NUP58: variants seen among roughly 807,000 people sequenced by gnomAD.
NUP58 encodes the protein nucleoporin p58/p45.
NUP58 carries 17 observed loss-of-function variants against 70.1 expected under a neutral mutation model. That is an observed-to-expected ratio of 0.24 (90% CI 0.17 to 0.36). NUP58 has a LOEUF of 0.36. NUP58 is among the 10% of genes least tolerant of loss of function. The pLI, the probability that NUP58 is intolerant of heterozygous loss-of-function variation, is 1.00. For missense variants in NUP58, 644 were observed against 701.5 expected, an observed-to-expected ratio of 0.92 and a Z score of 0.93; for synonymous variants, 275 against 257.6, an observed-to-expected ratio of 1.07 and a Z score of -0.65.
chr13:25,316,054 A>G (rs889570203), intron 6 of NUP58, among the ~76,000 whole-genome samples: 1 of 152,076 alleles, frequency 6.6e-6, no homozygotes, highest in African/African-American at 2.4e-5. Context: ...GCTTGTTTAT[A>G]TTTTTGGTTA....
chr13:25,333,249 G>A (rs1480760135), intron 13 of NUP58: 1 of 985,156 alleles, frequency 1.0e-6, no homozygotes, highest in Non-Finnish European at 1.2e-6. Flanking sequence ...CTAAATGAGT[G>A]CCTACTATGT....
chr13:25,327,071 T>G (rs770479109), intron 11 of NUP58, 37 bp downstream of exon 11: 1 of 1,211,214 alleles, frequency 8.3e-7, no homozygotes, highest in Non-Finnish European at 1.2e-6. Flanking sequence ...TTTGAACTTT[T>G]GTTTGTAGGA....
chr13:25,335,370 T>C, intron 13 of NUP58: 2 of 985,404 alleles, frequency 2.0e-6, no homozygotes, highest in Non-Finnish European at 2.4e-6. Context: ...CATTATTCTT[T>C]AGGGTCTTCC....
At chr13:25,301,909 C>T (rs192027291) in intron 1 of NUP58, 29 bp downstream of exon 1, 4 of 1,452,010 alleles carry the variant, frequency 2.8e-6, no homozygotes, top group Non-Finnish European at 2.9e-6. Context: ...CTTCCTGGGC[C>T]GGATTCACCC....
In NUP58 at chr13:25,323,389, A is replaced by G. The variant is rs918100483; in HGVS notation, c.952-1600A>G. Among the ~76,000 whole-genome samples the G allele has an allele frequency of 1.2e-4, 18 of 152,114 alleles. No homozygotes were observed. In the East Asian group the frequency reaches 3.5e-3, roughly 29 times the overall value. On this transcript the variant is annotated intron_variant, in intron 9 of 15. Coordinates refer to ENST00000381736, the MANE Select transcript of NUP58 (RefSeq NM_014089.4). Reference sequence around the variant, plus strand: ...AAAATAAAATTAAATTAAAAAAAAAAAGATTTTTATTTCATGCTCACCAGG... The same window carrying G: ...AAAATAAAATTAAATTAAAAAAAAAGAGATTTTTATTTCATGCTCACCAGG...
chr13:25,327,387 A>G, intron 11 of NUP58, 43 bp from the exon 12 acceptor site: 1 of 1,255,846 alleles, frequency 8.0e-7, no homozygotes, highest in Admixed American at 1.8e-5. Context: ...ATTGTGCTAT[A>G]TATATGTATA....
At chr13:25,329,191 T>C (rs2031513231) in intron 12 of NUP58, among the ~76,000 whole-genome samples, 1 of 152,222 alleles carries the variant, frequency 6.6e-6, no homozygotes, top group African/African-American at 2.4e-5. Context: ...CCTTAATTTT[T>C]ATTATGAAAT....
downstream of NUP58, among the ~76,000 whole-genome samples, chr13:25,346,307 T>C (rs185655187): frequency 4.5e-3 from 684 of 152,236 alleles, 4 homozygotes; most frequent in African/African-American, 0.016. Flanking sequence ...TTAAATAATA[T>C]CACCACTCAA....
In NUP58 at chr13:25,336,225, G is replaced by A. The variant is rs764615535; in HGVS notation, c.1436-711G>A. ...TTTATTTAATCAGGTGATAAGTGGT[G>A]TAATGTAGCAGAGCTTAAGAATAGA... On this transcript the variant is annotated intron_variant, in intron 13 of 15. Transcript: ENST00000381736. 8 of 1,367,172 alleles carry A rather than the reference G, an allele frequency of 5.9e-6. No individual in the cohort carries two copies. The East Asian group carries it at 1.4e-4, about 23-fold the overall frequency. The allele number at this position is 1,367,172 out of a possible 1,614,324, so 84.7% of individuals were successfully genotyped here.
intron 3 of NUP58, among the ~76,000 whole-genome samples, chr13:25,309,713 T>TC (rs1321379383): frequency 6.6e-6 from 1 of 152,212 alleles, no homozygotes; most frequent in Non-Finnish European, 1.5e-5. Context: ...CATAATACTT[T>TC]CTGTAGTGTT....
At chr13:25,328,991 G>T (rs1338309334) in intron 12 of NUP58, among the ~76,000 whole-genome samples, 4 of 151,938 alleles carry the variant, frequency 2.6e-5, no homozygotes, top group African/African-American at 9.7e-5. Flanking sequence ...CACCATTTTT[G>T]AAATGGTAGT....
intron 1 of NUP58, among the ~76,000 whole-genome samples, 199 bp downstream of exon 1, chr13:25,302,079 G>A (rs959405089): frequency 6.6e-6 from 1 of 152,268 alleles, no homozygotes; most frequent in Non-Finnish European, 1.5e-5. Context: ...TGAAGTGGAG[G>A]GCGGGATGGG....
chr13:25,342,394 A>C lies in NUP58; in HGVS notation c.*2260A>C, dbSNP rs2031984032. ...AGCCTATTATTATGGAAACAATAAAATTTATTGTGTCAGTTGCTTTGATTC... is the reference window on the plus strand; with the variant it reads ...AGCCTATTATTATGGAAACAATAAACTTTATTGTGTCAGTTGCTTTGATTC... On this transcript the variant is annotated 3_prime_UTR_variant, in exon 16 of 16. Coordinates refer to ENST00000381736, the MANE Select transcript of NUP58 (RefSeq NM_014089.4). The C allele has an allele frequency of 1.3e-5, 2 of 152,642 alleles. No homozygotes were observed. The highest frequency in any genetic ancestry group is 2.4e-5 in the African/African-American group (1 of 41,464). The allele number at this position is 152,642 out of a possible 1,614,324, so 9.5% of individuals were successfully genotyped here.
At chr13:25,348,752 T>A (rs528943850) in intron 3 of NUP58, among the ~76,000 whole-genome samples, 1 of 152,338 alleles carries the variant, frequency 6.6e-6, no homozygotes, top group South Asian at 2.1e-4. Context: ...TGTTAAAGCA[T>A]TTTCCTACTT....
rs143331868 is a variant in NUP58 at position 25,308,784 on chromosome 13, T to C, written c.251-463T>C. Among the ~76,000 whole-genome samples the C allele has an allele frequency of 4.9e-3, 748 of 152,324 alleles. 6 individuals carry two copies. The highest frequency in any genetic ancestry group is 6.0e-3 in the Non-Finnish European group (409 of 68,034). On this transcript the variant is annotated intron_variant, in intron 2 of 15. Transcript: ENST00000381736. ...TGACCATTTAAAAAGTTTGCTTCTT[T>C]ATTTACCCCTTATTTTCTACCCTTA... is the stretch of plus-strand genomic sequence containing the variant.
At chr13:25,329,000 G>T (rs1293868255) in intron 12 of NUP58, among the ~76,000 whole-genome samples, 1 of 152,026 alleles carries the variant, frequency 6.6e-6, no homozygotes, top group Non-Finnish European at 1.5e-5. Flanking sequence ...TGAAATGGTA[G>T]TGCACTTTAG....
At chr13:25,312,763 T>A (rs1267408394) in intron 3 of NUP58, 120 bp from the exon 4 acceptor site, 1 of 891,978 alleles carries the variant, frequency 1.1e-6, no homozygotes, top group African/African-American at 1.7e-5. Flanking sequence ...ACCCTTCTTC[T>A]ATTGGCAAAA....
chr13:25,322,522 A>G (rs1468206318), intron 9 of NUP58, among the ~76,000 whole-genome samples: 1 of 152,236 alleles, frequency 6.6e-6, no homozygotes, highest in African/African-American at 2.4e-5. Context: ...CACAGGTGGA[A>G]AATTCCACAC....
intron 9 of NUP58, among the ~76,000 whole-genome samples, 178 bp downstream of exon 9, chr13:25,321,271 A>G (rs2031174637): frequency 6.6e-6 from 1 of 152,230 alleles, no homozygotes; most frequent in African/African-American, 2.4e-5. Context: ...TTTTCTGTAT[A>G]CAAGACAGTA....
Sources: gnomAD v4.1 joint callset for allele counts (sites outside exome capture counted in the v4.1 genomes callset) on GRCh38, gnomAD v4.1.1 for gene constraint, MANE v1.5 for transcripts, NCBI Gene and HGNC (gene_info 2026-07-23, HGNC 2026-07-21) for gene names.